Variants in GSTM5 observed in about 807,000 individuals in gnomAD.
GSTM5 encodes glutathione S-transferase mu 5, also known as GST class-mu 5.
GSTM5 carries 24 observed loss-of-function variants against 29.0 expected under a neutral mutation model. The observed-to-expected ratio is 0.83, with a 90% CI of 0.60 to 1.16. The LOEUF (loss-of-function observed/expected upper bound fraction) is 1.16. Among genes scored for constraint, GSTM5 ranks in the 50% most tolerant of loss-of-function variants. The pLI, the probability that GSTM5 is intolerant of heterozygous loss-of-function variation, is 0.00. For missense variants in GSTM5, 290 were observed against 263.0 expected (o/e 1.10, Z -0.71); for synonymous variants, 91 against 93.6 (o/e 0.97, Z 0.16).
chr1:109,715,142 G>A lies in GSTM5; in HGVS notation c.469G>A (p.Asp157Asn). ...TGGCCTTCTTCAGATCACCTTTGTG[G>A]ATTTCCTTGCCTATGATGTCCTTGA... ...WFAGDKITFV[D>N]FLAYDVLDMK... Residue 157 changes from aspartate (D) to asparagine (N), a missense_variant, in exon 7 of 8, where the codon GAT becomes AAT. Physicochemically the swap from Asp to Asn is conservative, Grantham distance 23. Coordinates refer to ENST00000256593, the MANE Select transcript of GSTM5 (RefSeq NM_000851.4). 1 of 1,614,246 alleles carries A rather than the reference G, an allele frequency of 6.2e-7. No homozygotes were observed. The highest frequency in any genetic ancestry group is 8.5e-7 in the Non-Finnish European group (1 of 1,180,042).
intron 1 of GSTM5, 28 bp downstream of exon 1, chr1:109,712,376 A>G: frequency 1.2e-6 from 2 of 1,610,862 alleles, no homozygotes; most frequent in African/African-American, 2.7e-5. Context: ...GGTGGGTGGG[A>G]CAGGGGGCGG....
upstream of GSTM5, among the ~76,000 whole-genome samples, chr1:109,711,891 C>G (rs28743105): frequency 0.11 from 12,177 of 108,650 alleles, 1,344 homozygotes; most frequent in East Asian, 0.37. Flanking sequence ...CTTGGGAACT[C>G]GGCAGCGGAG....
rs774795395 is a variant in GSTM5, at chr1:109,713,756, G to T, written c.355G>T (p.Asp119Tyr). 1.2e-6 allele frequency: 2 copies of T among 1,612,180 alleles called. No homozygotes were observed. The highest frequency in any genetic ancestry group is 1.7e-4 in the Middle Eastern group (1 of 6,060). The change falls in exon 5 of 8, where the codon GAT (aspartate) becomes TAT (tyrosine). Residue 119 changes from aspartate to tyrosine, a missense_variant. Coordinates refer to ENST00000256593, the MANE Select transcript of GSTM5 (RefSeq NM_000851.4). Reference protein sequence around the residue: ...MELVRLCYDPDFEKLKPKYLE... With the variant: ...MELVRLCYDPYFEKLKPKYLE... The stretch of plus-strand genomic sequence containing the variant: ...GCTGGTCAGACTGTGCTATGACCCA[G>T]ATTTTGTGAGTCCCACACCCCACTC...
intron 7 of GSTM5, 69 bp from the exon 8 acceptor site, chr1:109,717,268 C>T: frequency 8.3e-7 from 1 of 1,199,544 alleles, no homozygotes; most frequent in Non-Finnish European, 1.2e-6. Context: ...ACCTGCTGTG[C>T]CTGCAGCAAA....
intron 7 of GSTM5, 63 bp downstream of exon 7, chr1:109,715,303 T>G: frequency 6.2e-7 from 1 of 1,614,162 alleles, no homozygotes; most frequent in South Asian, 1.1e-5. Context: ...TTCAGATGCT[T>G]TCCCAGTCCT....
At position 109,715,466 on chromosome 1, in the gene GSTM5, T is replaced by C. The variant is rs113876350; in HGVS notation, c.567+226T>C. 36 of 1,513,964 alleles carry C rather than the reference T, an allele frequency of 2.4e-5. No individual in the cohort carries two copies. The African/African-American group carries it at 3.1e-4, about 13-fold the overall frequency. 93.8% of individuals were successfully genotyped at this position (1,513,964 alleles called of 1,614,324 possible). Reference sequence around the variant, plus strand: ...TTGCCCATTTTAGAGATAAGAAAACTGAGAATGAGAGGGTCAGTCCTTTGC... The same window carrying C: ...TTGCCCATTTTAGAGATAAGAAAACCGAGAATGAGAGGGTCAGTCCTTTGC... On this transcript the variant is annotated intron_variant, in intron 7 of 7. Coordinates refer to ENST00000256593, the MANE Select transcript of GSTM5 (RefSeq NM_000851.4).
chr1:109,717,017 C>T (rs1044906705), intron 7 of GSTM5: 15 of 186,776 alleles, frequency 8.0e-5, no homozygotes, highest in Admixed American at 5.1e-4. Flanking sequence ...ATATGAGAAA[C>T]GGTGATAATA....
At position 109,713,512 on chromosome 1, in the gene GSTM5, A is replaced by G; in HGVS notation, c.206A>G (p.Lys69Arg). 3.1e-6 allele frequency: 5 copies of G among 1,614,222 alleles called. No individual in the cohort carries two copies. Among genetic ancestry groups the G allele is most frequent in the Non-Finnish European group, 4.2e-6 (5 of 1,180,052 alleles). The stretch of plus-strand genomic sequence containing the variant: ...CCCTACTTGATTGATGGGGCTCACA[A>G]GATCACCCAGAGCAATGCCATCCTG... ...NLPYLIDGAH[K>R]ITQSNAILRY... The change falls in exon 4 of 8, where the codon AAG (lysine) becomes AGG (arginine). Residue 69 changes from lysine (K) to arginine (R), a missense_variant. Coordinates refer to ENST00000256593, the MANE Select transcript of GSTM5 (RefSeq NM_000851.4).
Position 109,713,531 on chromosome 1 carries a change from C to T in GSTM5, c.225C>T (p.Ala75=). The change falls in exon 4 of 8, where the codon GCC becomes GCT. Residue 75 remains alanine (A), a synonymous_variant. Transcript: ENST00000256593. Reference sequence around the variant, plus strand: ...CTCACAAGATCACCCAGAGCAATGCCATCCTGCGCTACATTGCCCGCAAGC... The same window carrying T: ...CTCACAAGATCACCCAGAGCAATGCTATCCTGCGCTACATTGCCCGCAAGC... ...DGAHKITQSN[A]ILRYIARKHN... The T allele has an allele frequency of 6.2e-7, 1 of 1,614,230 alleles. No individual in the cohort carries two copies. The highest frequency in any genetic ancestry group is 8.5e-7 in the Non-Finnish European group (1 of 1,180,046).
At position 109,712,274 on chromosome 1, in the gene GSTM5, C is replaced by T. The variant is rs750756073; in HGVS notation, c.-39C>T. The T allele has an allele frequency of 8.1e-6, 13 of 1,612,762 alleles. No individual in the cohort carries two copies. In the East Asian group the frequency reaches 1.1e-4, roughly 14 times the overall value. On this transcript the variant is annotated 5_prime_UTR_variant, in exon 1 of 8. Transcript: ENST00000256593. Reference sequence around the variant, plus strand: ...GCCTCTCAAAGTCTGAGCCCCGCTCCGCTGATGCCTGTCTGCAGAATCCGC... The same window carrying T: ...GCCTCTCAAAGTCTGAGCCCCGCTCTGCTGATGCCTGTCTGCAGAATCCGC...
chr1:109,712,202 G>C, upstream of GSTM5: 1 of 1,159,230 alleles, frequency 8.6e-7, no homozygotes, highest in Non-Finnish European at 1.3e-6. Context: ...GGGTTGTGGC[G>C]GGCCGAGGGG....
At chr1:109,712,898 G>T in intron 2 of GSTM5, 1 of 839,514 alleles carries the variant, frequency 1.2e-6, no homozygotes, top group South Asian at 1.5e-5. Context: ...TAATTGGGTT[G>T]GGTGTCCCTC....
chr1:109,714,890 C>T (rs1182648023), intron 5 of GSTM5, 57 bp from the exon 6 acceptor site: 2 of 1,571,470 alleles, frequency 1.3e-6, no homozygotes, highest in Admixed American at 1.7e-5. Flanking sequence ...CCTGGGGAGG[C>T]CACGTCTGTG....
At position 109,718,211 on chromosome 1, in the gene GSTM5, G is replaced by C. The variant is rs1388031621; in HGVS notation, c.*785G>C. Reference sequence around the variant, plus strand: ...TCACCCTGTCCTGATAGACTTCCCTGATCTAGATATCCTTCGTCATGACAC... The same window carrying C: ...TCACCCTGTCCTGATAGACTTCCCTCATCTAGATATCCTTCGTCATGACAC... On this transcript the variant is annotated 3_prime_UTR_variant, in exon 8 of 8. Transcript: ENST00000256593. The C allele has an allele frequency of 1.3e-5, 2 of 152,208 alleles. No homozygotes were observed. The highest frequency in any genetic ancestry group is 2.9e-5 in the Non-Finnish European group (2 of 68,048). The allele number at this position is 152,208 out of a possible 1,614,324, so 9.4% of individuals were successfully genotyped here.
intron 7 of GSTM5, chr1:109,717,116 T>TCGGGGG: frequency 2.6e-6 from 1 of 384,518 alleles, no homozygotes; most frequent in Non-Finnish European, 4.8e-6. Flanking sequence ...AGTGTAGATC[T>TCGGGGG]TTCGTAAATG....
intron 7 of GSTM5, chr1:109,715,707 G>A (rs1433885131): frequency 2.2e-6 from 1 of 461,250 alleles, no homozygotes; most frequent in African/African-American, 2.0e-5. Flanking sequence ...TGGCATTGAT[G>A]TTGAGTACTA....
upstream of GSTM5, among the ~76,000 whole-genome samples, chr1:109,711,870 C>A (rs1181025262): frequency 7.1e-6 from 1 of 140,456 alleles, no homozygotes; most frequent in Admixed American, 7.4e-5. Flanking sequence ...CAGCCGGAGT[C>A]TCCCAGAGCC....
chr1:109,718,256 C>T lies in GSTM5; in HGVS notation c.*830C>T, dbSNP rs1648818475. 1 of 152,218 alleles carries T rather than the reference C, an allele frequency of 6.6e-6. No individual in the cohort carries two copies. The highest frequency in any genetic ancestry group is 1.5e-5 in the Non-Finnish European group (1 of 68,034). 9.4% of individuals were successfully genotyped at this position (152,218 alleles called of 1,614,324 possible). A position where few individuals can be genotyped will look rare whatever the true frequency, so the allele number is the denominator to read the frequency against. ...TGACACTTCTCAATAAAACGTATCC[C>T]ACCGTATTGTAATCATGGTACTTGT... is the stretch of plus-strand genomic sequence containing the variant. On this transcript the variant is annotated 3_prime_UTR_variant, in exon 8 of 8. Coordinates refer to ENST00000256593, the MANE Select transcript of GSTM5 (RefSeq NM_000851.4).
intron 7 of GSTM5, chr1:109,716,616 T>C (rs1023414965): frequency 6.5e-6 from 1 of 152,766 alleles, no homozygotes; most frequent in Non-Finnish European, 1.5e-5. Context: ...AGTTTGGACT[T>C]TATGCTTTAA....
Sources: gnomAD v4.1 joint callset for allele counts (sites outside exome capture counted in the v4.1 genomes callset) on GRCh38, gnomAD v4.1.1 for gene constraint, MANE v1.5 for transcripts, NCBI Gene and HGNC (gene_info 2026-07-23, HGNC 2026-07-21) for gene names.